Variants in EPM2A observed in about 807,000 individuals in gnomAD.
EPM2A encodes EPM2A glucan phosphatase, laforin.
In EPM2A, 21 loss-of-function variants were observed where a neutral mutation model predicts 26.5. That is an observed-to-expected ratio of 0.79 (90% CI 0.56 to 1.14). The LOEUF (loss-of-function observed/expected upper bound fraction) is 1.14, where lower values mean the gene tolerates loss of function less well. Among genes scored for constraint, EPM2A ranks in the 50% most tolerant of loss-of-function variants. EPM2A has a pLI of 0.00. For missense variants in EPM2A, 458 were observed against 440.8 expected (o/e 1.04, Z -0.35); for synonymous variants, 217 against 177.6 (o/e 1.22, Z -1.76).
chr6:145,549,560 C>A (rs1780626885), intron 2 of EPM2A, among the ~76,000 whole-genome samples: 1 of 152,002 alleles, frequency 6.6e-6, no homozygotes, highest in Admixed American at 6.6e-5. Context: ...ACTTCTTAGT[C>A]CCTTGCCAAA....
intron 2 of EPM2A, among the ~76,000 whole-genome samples, chr6:145,569,854 C>CATAT (rs3063869): frequency 8.6e-4 from 129 of 150,832 alleles, no homozygotes; most frequent in East Asian, 3.3e-3. Flanking sequence ...ATGGAATATA[C>CATAT]ATATATATAT....
intron 2 of EPM2A, chr6:145,679,938 T>C (rs1780376217): frequency 6.6e-6 from 1 of 152,004 alleles, no homozygotes; most frequent in South Asian, 2.1e-4. Context: ...CATTACTATA[T>C]TGGGAAGAAT....
At chr6:145,453,299 T>A (rs1440304115) in intron 4 of EPM2A, among the ~76,000 whole-genome samples, 4 of 152,200 alleles carry the variant, frequency 2.6e-5, no homozygotes, top group African/African-American at 9.7e-5. Context: ...TGAAGTTGGT[T>A]AAGAGAATGG....
intron 1 of EPM2A, among the ~76,000 whole-genome samples, chr6:145,728,300 T>C (rs116842584): frequency 0.011 from 1,657 of 152,076 alleles, 13 homozygotes; most frequent in Admixed American, 0.018. Context: ...TGGGCAGAGG[T>C]TGGGACAGTT....
chr6:145,722,814 A>G, intron 1 of EPM2A: 1 of 445,700 alleles, frequency 2.2e-6, no homozygotes, highest in Middle Eastern at 3.3e-4. Flanking sequence ...GGGCACAGAG[A>G]CAAAAAGAGA....
chr6:145,493,396 T>C (rs366308), intron 4 of EPM2A, among the ~76,000 whole-genome samples: 1 of 152,000 alleles, frequency 6.6e-6, no homozygotes, highest in African/African-American at 2.4e-5. Context: ...GGCTGATATG[T>C]TGGAATTTTC....
intron 2 of EPM2A, among the ~76,000 whole-genome samples, chr6:145,588,052 A>G (rs1781221222): frequency 6.6e-6 from 1 of 152,168 alleles, no homozygotes; most frequent in Non-Finnish European, 1.5e-5. Flanking sequence ...ACACTTATCA[A>G]TTGCTGACAA....
At chr6:145,492,960 C>A (rs935112059) in intron 4 of EPM2A, among the ~76,000 whole-genome samples, 15 of 152,180 alleles carry the variant, frequency 9.9e-5, no homozygotes, top group African/African-American at 1.4e-4. Flanking sequence ...GAGGGTGGGA[C>A]CCTCGCCAGG....
chr6:145,417,223 T>C (rs1401203909), intron 4 of EPM2A, among the ~76,000 whole-genome samples: 4 of 152,232 alleles, frequency 2.6e-5, no homozygotes, highest in East Asian at 1.9e-4. Context: ...TTAGCTTTCC[T>C]AGCCTGTGTG....
At chr6:145,472,671 T>A (rs1779490732) in intron 4 of EPM2A, among the ~76,000 whole-genome samples, 1 of 151,996 alleles carries the variant, frequency 6.6e-6, no homozygotes, top group South Asian at 2.1e-4. Flanking sequence ...GGGGTGAGGC[T>A]CCCCTGCCTT....
intron 4 of EPM2A, among the ~76,000 whole-genome samples, chr6:145,462,030 G>A (rs1779333676): frequency 6.6e-6 from 1 of 152,184 alleles, no homozygotes; most frequent in Admixed American, 6.6e-5. Context: ...CTTACCAGCT[G>A]TGGGACCATG....
chr6:145,554,464 A>ATAGATAGATACATAGG (rs1562380414), intron 2 of EPM2A, among the ~76,000 whole-genome samples: 6 of 152,036 alleles, frequency 3.9e-5, no homozygotes, highest in African/African-American at 1.4e-4. Context: ...AGATAGATAG[A>ATAGATAGATACATAGG]TAGATACATA....
At chr6:145,403,689 CA>C (rs768856606) in intron 4 of EPM2A, among the ~76,000 whole-genome samples, 9 of 152,020 alleles carry the variant, frequency 5.9e-5, no homozygotes, top group Non-Finnish European at 1.2e-4. Flanking sequence ...AGTGTGCTTC[CA>C]AATCTTAGCT....
intron 4 of EPM2A, among the ~76,000 whole-genome samples, chr6:145,460,283 A>G (rs754876061): frequency 2.0e-5 from 3 of 152,212 alleles, no homozygotes; most frequent in Admixed American, 6.5e-5. Context: ...AAATTATAAG[A>G]AAAGCCTTAA....
chr6:145,674,928 C>CAGAGA (rs1206065641), intron 2 of EPM2A, among the ~76,000 whole-genome samples: 2 of 152,114 alleles, frequency 1.3e-5, no homozygotes, highest in Non-Finnish European at 2.9e-5. Flanking sequence ...TCAGGAAATA[C>CAGAGA]AGAGAACACC....
At chr6:145,390,466 C>T (rs1778322752) in intron 4 of EPM2A, among the ~76,000 whole-genome samples, 1 of 152,094 alleles carries the variant, frequency 6.6e-6, no homozygotes, top group African/African-American at 2.4e-5. Context: ...TTCTGCCAAA[C>T]TTGTCTGGTG....
chr6:145,563,870 A>G (rs1311011536), intron 2 of EPM2A, among the ~76,000 whole-genome samples: 5 of 152,216 alleles, frequency 3.3e-5, no homozygotes, highest in African/African-American at 7.2e-5. Flanking sequence ...ACATTTGAGT[A>G]GTAAACTAAG....
At chr6:145,588,711 C>T (rs917602326) in intron 2 of EPM2A, among the ~76,000 whole-genome samples, 2 of 152,056 alleles carry the variant, frequency 1.3e-5, no homozygotes, top group Non-Finnish European at 2.9e-5. Flanking sequence ...CAGTGCAAGA[C>T]GTTGAAGAGT....
chr6:145,704,831 AT>A (rs1178509326), intron 1 of EPM2A, among the ~76,000 whole-genome samples: 5 of 152,216 alleles, frequency 3.3e-5, no homozygotes, highest in African/African-American at 1.2e-4. Flanking sequence ...TTCCTTTAAA[AT>A]TCCTTTGAGA....
Sources: allele counts gnomAD v4.1 joint callset (sites outside exome capture counted in the v4.1 genomes callset), GRCh38; gene constraint gnomAD v4.1.1; transcripts MANE v1.5; gene names NCBI Gene and HGNC (gene_info 2026-07-23, HGNC 2026-07-21).